Variants in RBM27 observed in about 807,000 individuals in gnomAD.
RBM27 encodes the protein RNA binding motif protein 27, also known as RNA-binding protein 27.
RBM27 carries 22 observed loss-of-function variants against 135.3 expected under a neutral mutation model. That is an observed-to-expected ratio of 0.16 (90% CI 0.12 to 0.23). The LOEUF is 0.23. RBM27 is among the 10% of genes least tolerant of loss of function. The probability of loss-of-function intolerance (pLI) is 1.00; values close to 1 mark genes in which losing one functional copy is unlikely to be tolerated. For synonymous variants in RBM27, 481 were observed against 442.4 expected, an observed-to-expected ratio of 1.09 and a Z score of -1.10; for missense variants, 1,009 against 1,281.0, an observed-to-expected ratio of 0.79 and a Z score of 3.24.
chr5:146,284,736 A>G lies in RBM27; in HGVS notation c.3099+4A>G. The stretch of plus-strand genomic sequence containing the variant: ...AGAAGAAGAAGTCAAGGAGGAGGTA[A>G]ATTTAGTGGTTGGAAATAAGAGTTG... On this transcript the variant is annotated splice_donor_region_variant and intron_variant, in intron 20 of 20. Coordinates refer to ENST00000265271, the MANE Select transcript of RBM27 (RefSeq NM_018989.2). 6.4e-7 allele frequency: 1 copy of G among 1,562,090 alleles called. No homozygotes were observed. The highest frequency in any genetic ancestry group is 1.1e-5 in the South Asian group (1 of 88,552).
rs192063982 is a variant in RBM27 at position 146,235,922 on chromosome 5, C to T, written c.1145-1376C>T. On this transcript the variant is annotated intron_variant, in intron 7 of 20. Coordinates refer to ENST00000265271, the MANE Select transcript of RBM27 (RefSeq NM_018989.2). ...CCCAGGCTGGTCTTGAACTCCTGGG[C>T]TCAAGCAGTTTGCTTGCCTCAGTTC... 2.5e-3 allele frequency among the ~76,000 whole-genome samples: 380 copies of T among 152,166 alleles called. 4 individuals carry two copies. The highest frequency in any genetic ancestry group is 8.8e-3 in the African/African-American group (367 of 41,512).
intron 1 of RBM27, among the ~76,000 whole-genome samples, chr5:146,213,196 G>A (rs536378294): frequency 1.3e-4 from 20 of 152,032 alleles, no homozygotes; most frequent in East Asian, 5.8e-4. Flanking sequence ...ACCGCCTCCC[G>A]GGTTCAAGCA....
At chr5:146,260,081 C>T (rs1298778579) in intron 11 of RBM27, among the ~76,000 whole-genome samples, 5 of 151,060 alleles carry the variant, frequency 3.3e-5, no homozygotes, top group Non-Finnish European at 7.4e-5. Flanking sequence ...GGGTAGATCA[C>T]CGACGCCAGG....
At chr5:146,274,233 T>TA (rs1240664142) in intron 19 of RBM27, among the ~76,000 whole-genome samples, 2 of 151,488 alleles carry the variant, frequency 1.3e-5, no homozygotes, top group African/African-American at 4.9e-5. Context: ...TTTTTTTTTT[T>TA]AATAGGTGGT....
chr5:146,264,656 A>G (rs1758541426), intron 14 of RBM27, among the ~76,000 whole-genome samples: 1 of 56,602 alleles, frequency 1.8e-5, no homozygotes, highest in Non-Finnish European at 3.7e-5. Flanking sequence ...AAGAGAGCTA[A>G]AAAAAAAAAA....
chr5:146,280,888 C>A (rs529151796), intron 19 of RBM27, among the ~76,000 whole-genome samples: 1 of 151,998 alleles, frequency 6.6e-6, no homozygotes, highest in Admixed American at 6.6e-5. Context: ...GACAGAGTCT[C>A]GCTCTGTCAC....
At chr5:146,281,295 G>T (rs1044832966) in intron 19 of RBM27, among the ~76,000 whole-genome samples, 1 of 152,172 alleles carries the variant, frequency 6.6e-6, no homozygotes, top group Non-Finnish European at 1.5e-5. Flanking sequence ...ACATGTGTTA[G>T]TTAAGCTTTG....
intron 13 of RBM27, 136 bp downstream of exon 13, chr5:146,261,942 T>C (rs1561556829): frequency 2.3e-6 from 2 of 865,106 alleles, no homozygotes; most frequent in East Asian, 5.3e-5. Flanking sequence ...TCTGATCTCC[T>C]GGGATCTTAT....
chr5:146,204,011 G>C (rs1479255371), intron 1 of RBM27, among the ~76,000 whole-genome samples, 187 bp downstream of exon 1: 1 of 151,966 alleles, frequency 6.6e-6, no homozygotes, highest in Non-Finnish European at 1.5e-5. Flanking sequence ...CGCTGGGGAC[G>C]GAGAGGCGCC....
chr5:146,269,450 A>G lies in RBM27; in HGVS notation c.2557A>G (p.Asn853Asp), dbSNP rs1758765611. 7 of 1,565,286 alleles carry G rather than the reference A, an allele frequency of 4.5e-6. No individual in the cohort carries two copies. The highest frequency in any genetic ancestry group is 6.0e-6 in the Non-Finnish European group (7 of 1,160,230). Residue 853 changes from asparagine to aspartate, a missense_variant, in exon 17 of 21, where the codon AAC (asparagine) becomes GAC (aspartate). Transcript: ENST00000265271. ...MLISKLEKNK[N>D]MKPEERANIM... Reference sequence around the variant, plus strand: ...AATATCCAAGTTAGAAAAAAACAAAAACATGAAACCAGAAGAAAGAGCAAA... The same window carrying G: ...AATATCCAAGTTAGAAAAAAACAAAGACATGAAACCAGAAGAAAGAGCAAA...
At chr5:146,245,030 A>T (rs903310552) in intron 8 of RBM27, among the ~76,000 whole-genome samples, 2 of 152,150 alleles carry the variant, frequency 1.3e-5, no homozygotes, top group Non-Finnish European at 2.9e-5. Flanking sequence ...ACATGCCACC[A>T]TGCCCAGCTA....
At chr5:146,257,581 A>G (rs1198360760) in intron 10 of RBM27, among the ~76,000 whole-genome samples, 1 of 152,170 alleles carries the variant, frequency 6.6e-6, no homozygotes, top group East Asian at 1.9e-4. Flanking sequence ...ATTAATTGGT[A>G]GACATTGTGA....
intron 19 of RBM27, among the ~76,000 whole-genome samples, chr5:146,275,641 A>G (rs937289992): frequency 6.6e-6 from 1 of 152,176 alleles, no homozygotes; most frequent in Non-Finnish European, 1.5e-5. Context: ...AAGATTTTTA[A>G]TATCTTAATG....
In RBM27 at chr5:146,230,697, C is replaced by A; in HGVS notation, c.630C>A (p.Asp210Glu). 6.2e-7 allele frequency: 1 copy of A among 1,613,988 alleles called. No individual in the cohort carries two copies. The highest frequency in any genetic ancestry group is 1.6e-4 in the Middle Eastern group (1 of 6,062). The change falls in exon 6 of 21, where the codon GAC becomes GAA. Residue 210 changes from aspartate (D) to glutamate (E), a missense_variant. Coordinates refer to ENST00000265271, the MANE Select transcript of RBM27 (RefSeq NM_018989.2). ...CGAAGTTTAAGAGTGAAAGGAATGA[C>A]CTGGAGAGTTCCTATGTGCCTGTGT... ...ERSKFKSERN[D>E]LESSYVPVSA...
chr5:146,259,253 C>A (rs571880132), intron 11 of RBM27, among the ~76,000 whole-genome samples: 3 of 151,886 alleles, frequency 2.0e-5, no homozygotes, highest in African/African-American at 7.3e-5. Context: ...CAGTGGCTCA[C>A]GCCTATAATC....
intron 15 of RBM27, 136 bp downstream of exon 15, chr5:146,267,904 T>C: frequency 1.0e-6 from 1 of 953,142 alleles, no homozygotes; most frequent in Non-Finnish European, 1.5e-6. Flanking sequence ...TTCTCTAATG[T>C]AAACTTGGAA....
rs1759366536 is a variant in RBM27 at position 146,281,882 on chromosome 5, G to A, written c.2989-2740G>A. On this transcript the variant is annotated intron_variant, in intron 19 of 20. Coordinates refer to ENST00000265271, the MANE Select transcript of RBM27 (RefSeq NM_018989.2). ...AATCACACAGTGTATATTCTTTTGT[G>A]CTTGGCTTCTTCTGTTTAATGTTTG... is the stretch of plus-strand genomic sequence containing the variant. 2.0e-5 allele frequency among the ~76,000 whole-genome samples: 3 copies of A among 151,666 alleles called. No homozygotes were observed. The South Asian group carries it at 6.2e-4, about 32-fold the overall frequency.
Position 146,223,417 on chromosome 5 carries a change from G to T in RBM27, c.193G>T (p.Val65Leu). ...CTTCTCCTTAGAAACTTCAGGTTTT[G>T]TGGACAAACTATTTGAAAGTCTCTA... Reference protein sequence around the residue: ...VFLQKETSGFVDKLFESLYTK... With the variant: ...VFLQKETSGFLDKLFESLYTK... Residue 65 changes from valine to leucine, a missense_variant, in exon 3 of 21, where the codon GTG becomes TTG. Physicochemically the swap from Val to Leu is conservative, Grantham distance 32. Coordinates refer to ENST00000265271, the MANE Select transcript of RBM27 (RefSeq NM_018989.2). 1.3e-6 allele frequency: 2 copies of T among 1,590,758 alleles called. No homozygotes were observed. Among genetic ancestry groups the T allele is most frequent in the Non-Finnish European group, 1.7e-6 (2 of 1,173,066 alleles).
intron 6 of RBM27, among the ~76,000 whole-genome samples, chr5:146,231,684 C>T (rs2126755049): frequency 6.6e-6 from 1 of 152,200 alleles, no homozygotes; most frequent in Admixed American, 6.5e-5. Flanking sequence ...GTGGCACAAT[C>T]TCGGCTCACT....
Sources: gnomAD v4.1 joint callset for allele counts (sites outside exome capture counted in the v4.1 genomes callset) on GRCh38, gnomAD v4.1.1 for gene constraint, MANE v1.5 for transcripts, NCBI Gene and HGNC (gene_info 2026-07-23, HGNC 2026-07-21) for gene names.